ZC3H12B: variants seen among roughly 807,000 people sequenced by gnomAD.
ZC3H12B encodes the protein zinc finger CCCH-type containing 12B.
In ZC3H12B, 7 loss-of-function variants were observed where a neutral mutation model predicts 43.9. The observed-to-expected ratio is 0.16, with a 90% CI of 0.09 to 0.30. The LOEUF (loss-of-function observed/expected upper bound fraction) is 0.30. Among genes scored for constraint, ZC3H12B ranks in the 10% least tolerant of loss-of-function variants. ZC3H12B has a pLI of 1.00. For missense variants in ZC3H12B, 475 were observed against 670.2 expected, an observed-to-expected ratio of 0.71 and a Z score of 3.22; for synonymous variants, 222 against 241.7, an observed-to-expected ratio of 0.92 and a Z score of 0.76.
chrX:65,202,733 G>T, the ZC3H12B span, among the ~76,000 whole-genome samples: 9 of 110,801 alleles, frequency 8.1e-5, no homozygotes, highest in South Asian at 1.9e-3. Flanking sequence ...AAGACCTGTG[G>T]TAACCACTGC....
the ZC3H12B span, among the ~76,000 whole-genome samples, chrX:65,154,781 G>T: frequency 9.0e-6 from 1 of 111,467 alleles, no homozygotes; most frequent in Non-Finnish European, 1.9e-5. Context: ...GAAGGTTGAG[G>T]CTGCAGTGAG....
chrX:65,400,000 A>G (rs1175343910), intron 3 of ZC3H12B, among the ~76,000 whole-genome samples: 2 of 111,292 alleles, frequency 1.8e-5, no homozygotes, highest in Non-Finnish European at 3.8e-5. Context: ...CCATGGGAAT[A>G]GAGAGTAGAA....
At chrX:65,290,790 G>C in the ZC3H12B span, among the ~76,000 whole-genome samples, 1 of 111,058 alleles carries the variant, frequency 9.0e-6, no homozygotes, top group Non-Finnish European at 1.9e-5. Context: ...TTACATGTAG[G>C]AGTAAAAAAA....
chrX:65,085,822 A>G, the ZC3H12B span, among the ~76,000 whole-genome samples: 2 of 111,590 alleles, frequency 1.8e-5, no homozygotes, highest in Non-Finnish European at 3.8e-5. Context: ...TACGTTGGAC[A>G]TGTAGTACAA....
the ZC3H12B span, among the ~76,000 whole-genome samples, chrX:65,091,777 T>C: frequency 8.9e-6 from 1 of 112,348 alleles, no homozygotes; most frequent in Non-Finnish European, 1.9e-5. Flanking sequence ...GTTGTGCATA[T>C]GTGCATACAA....
the ZC3H12B span, among the ~76,000 whole-genome samples, chrX:65,190,009 T>A: frequency 1.8e-5 from 2 of 111,300 alleles, no homozygotes; most frequent in Non-Finnish European, 3.8e-5. Flanking sequence ...TTCAGCTTCC[T>A]ACATATGGCT....
chrX:65,121,263 G>A, the ZC3H12B span, among the ~76,000 whole-genome samples: 2 of 111,495 alleles, frequency 1.8e-5, no homozygotes, highest in Non-Finnish European at 3.8e-5. Flanking sequence ...GAATTCGGCT[G>A]TGAATCCGTC....
the ZC3H12B span, among the ~76,000 whole-genome samples, chrX:65,198,712 C>T: frequency 9.0e-6 from 1 of 111,715 alleles, no homozygotes; most frequent in African/African-American, 3.3e-5. Flanking sequence ...TGTTCTATAA[C>T]CTTCTGGAAC....
exon 5 of ZC3H12B, chrX:65,502,011 C>G: frequency 2.5e-6 from 3 of 1,209,926 alleles, no homozygotes; most frequent in Non-Finnish European, 3.4e-6. Flanking sequence ...CAATCAGATC[C>G]CAGCATCCGG....
intron 3 of ZC3H12B, among the ~76,000 whole-genome samples, chrX:65,459,334 G>A (rs1434436551): frequency 1.8e-5 from 2 of 111,755 alleles, no homozygotes; most frequent in African/African-American, 6.5e-5. Context: ...AGAAAAAGAG[G>A]GAATCCTCCC....
the ZC3H12B span, among the ~76,000 whole-genome samples, chrX:65,335,149 A>G: frequency 1.2e-4 from 13 of 112,166 alleles, no homozygotes; most frequent in African/African-American, 4.2e-4. Context: ...AATGCAATGC[A>G]AACTAGAACA....
chrX:65,466,439 A>G (rs1338537957), intron 3 of ZC3H12B, among the ~76,000 whole-genome samples: 1 of 110,172 alleles, frequency 9.1e-6, no homozygotes, highest in Admixed American at 9.8e-5. Context: ...ATAAATAGAC[A>G]GATCTCACAT....
chrX:65,079,433 C>T, the ZC3H12B span, among the ~76,000 whole-genome samples: 1 of 112,070 alleles, frequency 8.9e-6, no homozygotes, highest in Admixed American at 9.4e-5. Flanking sequence ...ACCTAGTGCT[C>T]TACTGGATTC....
chrX:65,138,030 A>T, the ZC3H12B span, among the ~76,000 whole-genome samples: 2 of 111,485 alleles, frequency 1.8e-5, no homozygotes, highest in East Asian at 2.8e-4. Flanking sequence ...GAGTTTCACC[A>T]TGTTGGCCAT....
the ZC3H12B span, among the ~76,000 whole-genome samples, chrX:65,189,222 G>A: frequency 4.8e-5 from 5 of 104,087 alleles, no homozygotes; most frequent in African/African-American, 1.8e-4. Flanking sequence ...TTGGTTCCAA[G>A]TCTTTGCTAT....
chrX:65,372,839 T>C (rs1242629658), intron 2 of ZC3H12B, among the ~76,000 whole-genome samples: 1 of 111,931 alleles, frequency 8.9e-6, no homozygotes. Context: ...GTAAAATCTA[T>C]CCTTGTCTTT....
chrX:65,450,016 A>G (rs1267929096), intron 3 of ZC3H12B, among the ~76,000 whole-genome samples: 1 of 110,843 alleles, frequency 9.0e-6, no homozygotes, highest in African/African-American at 3.3e-5. Flanking sequence ...TAAAAAATAT[A>G]TATTTTTAGG....
At chrX:65,146,412 T>G in the ZC3H12B span, among the ~76,000 whole-genome samples, 8 of 112,272 alleles carry the variant, frequency 7.1e-5, no homozygotes, top group East Asian at 2.3e-3. Context: ...CTTTGTCTGA[T>G]GCCTCCCTGA....
the ZC3H12B span, among the ~76,000 whole-genome samples, chrX:65,170,097 G>A: frequency 9.0e-6 from 1 of 111,658 alleles, no homozygotes; most frequent in Non-Finnish European, 1.9e-5. Flanking sequence ...TGGTTATTTT[G>A]CTCGTTAGTT....
Sources: allele counts gnomAD v4.1 joint callset (sites outside exome capture counted in the v4.1 genomes callset), GRCh38; gene constraint gnomAD v4.1.1; transcripts MANE v1.5; gene names NCBI Gene and HGNC (gene_info 2026-07-23, HGNC 2026-07-21).